TANGO6: variants seen among roughly 807,000 people sequenced by gnomAD.
The protein encoded by TANGO6 is transport and golgi organization 6 homolog.
A neutral mutation model predicts 114.2 loss-of-function variants in TANGO6; 90 were observed. That is an observed-to-expected ratio of 0.79 (90% CI 0.66 to 0.94). The LOEUF (loss-of-function observed/expected upper bound fraction) is 0.94. Among genes scored for constraint, TANGO6 ranks in the 40% least tolerant of loss-of-function variants. TANGO6 has a pLI of 0.00. For missense variants in TANGO6, 1,274 were observed against 1,315.3 expected, an observed-to-expected ratio of 0.97 and a Z score of 0.49; for synonymous variants, 477 against 509.8, an observed-to-expected ratio of 0.94 and a Z score of 0.87.
At chr16:68,887,471 G>T (rs1277237302) in intron 7 of TANGO6, among the ~76,000 whole-genome samples, 2 of 152,168 alleles carry the variant, frequency 1.3e-5, no homozygotes, top group Admixed American at 6.6e-5. Context: ...GAACAAGAAA[G>T]AACACCAAAA....
At chr16:68,974,313 A>G in intron 15 of TANGO6, 145 bp downstream of exon 15, 3 of 897,290 alleles carry the variant, frequency 3.3e-6, no homozygotes, top group Non-Finnish European at 5.1e-6. Flanking sequence ...GAATTTAGGA[A>G]ATATTCCGAT....
At chr16:69,045,156 C>CAAAA (rs34165608) in intron 17 of TANGO6, among the ~76,000 whole-genome samples, 6 of 88,356 alleles carry the variant, frequency 6.8e-5, no homozygotes, top group Non-Finnish European at 1.0e-4. Context: ...ACTCTTGTCT[C>CAAAA]AAAAAAAAAA....
At chr16:68,871,194 T>G (rs1596997788) in intron 4 of TANGO6, among the ~76,000 whole-genome samples, 1 of 152,172 alleles carries the variant, frequency 6.6e-6, no homozygotes, top group African/African-American at 2.4e-5. Context: ...TGACATTTAT[T>G]TTTTCTTTTA....
rs139430733 is a variant in TANGO6 at position 69,011,388 on chromosome 16, G to A, written c.2843-11440G>A. On this transcript the variant is annotated intron_variant, in intron 15 of 17. Coordinates refer to ENST00000261778, the MANE Select transcript of TANGO6 (RefSeq NM_024562.2). ...AGTTTCACTTTTATGACCTGTTTTAGTGAATTAGGGGAATGATTGAGCCCT... is the reference window on the plus strand; with the variant it reads ...AGTTTCACTTTTATGACCTGTTTTAATGAATTAGGGGAATGATTGAGCCCT... Among the ~76,000 whole-genome samples the A allele has an allele frequency of 4.6e-3, 698 of 150,980 alleles. 3 individuals carry two copies. The highest frequency in any genetic ancestry group is 0.016 in the South Asian group (78 of 4,796).
chr16:68,970,602 G>T (rs961066204), intron 14 of TANGO6, among the ~76,000 whole-genome samples: 4 of 149,796 alleles, frequency 2.7e-5, no homozygotes, highest in African/African-American at 9.9e-5. Flanking sequence ...GGGAGATGGA[G>T]GTTGCAGTGA....
chr16:68,890,484 A>T (rs765533580), intron 7 of TANGO6, among the ~76,000 whole-genome samples: 9 of 152,256 alleles, frequency 5.9e-5, no homozygotes, highest in Non-Finnish European at 1.0e-4. Context: ...AACAAAATTC[A>T]TATCCAAGTT....
intron 14 of TANGO6, among the ~76,000 whole-genome samples, chr16:68,966,455 G>C (rs1963646296): frequency 6.6e-6 from 1 of 151,582 alleles, no homozygotes; most frequent in African/African-American, 2.4e-5. Flanking sequence ...AGTGAGCTGA[G>C]ATTACACCAC....
chr16:69,009,441 A>T (rs1337731178), intron 15 of TANGO6, among the ~76,000 whole-genome samples: 3 of 152,164 alleles, frequency 2.0e-5, no homozygotes, highest in Non-Finnish European at 4.4e-5. Context: ...TTAGGCCGGT[A>T]TATACTATCT....
chr16:68,893,688 A>G (rs1962662801), intron 7 of TANGO6, among the ~76,000 whole-genome samples: 1 of 148,156 alleles, frequency 6.7e-6, no homozygotes, highest in Non-Finnish European at 1.5e-5. Flanking sequence ...GTGAGCCAAG[A>G]TCACGCCACT....
At chr16:68,859,781 G>T (rs909574915) in intron 1 of TANGO6, 103 bp from the exon 2 acceptor site, 1 of 1,321,524 alleles carries the variant, frequency 7.6e-7, no homozygotes. Context: ...TGACAGTGGC[G>T]CCCGGCCTGC....
chr16:69,007,143 C>CT (rs1964098533), intron 15 of TANGO6: 1 of 152,246 alleles, frequency 6.6e-6, no homozygotes, highest in African/African-American at 2.4e-5. Context: ...ATATTTGCTG[C>CT]TGAGGCAAGC....
intron 14 of TANGO6, among the ~76,000 whole-genome samples, chr16:68,932,731 A>T (rs988390367): frequency 1.3e-5 from 2 of 152,112 alleles, no homozygotes; most frequent in Non-Finnish European, 2.9e-5. Context: ...CCAAGGTTGC[A>T]GTGAGCCGAG....
intron 17 of TANGO6, among the ~76,000 whole-genome samples, chr16:69,053,062 C>T (rs1330624534): frequency 3.3e-5 from 5 of 152,022 alleles, no homozygotes; most frequent in African/African-American, 9.7e-5. Flanking sequence ...GAGCCGAGAT[C>T]GTGCCACTGT....
At chr16:68,905,962 C>T (rs1169338063) in intron 9 of TANGO6, among the ~76,000 whole-genome samples, 6 of 152,034 alleles carry the variant, frequency 3.9e-5, no homozygotes, top group Admixed American at 2.6e-4. Flanking sequence ...GGGCAGATCA[C>T]GAGGTCAGAA....
intron 14 of TANGO6, among the ~76,000 whole-genome samples, chr16:68,960,710 A>G (rs1283120118): frequency 6.6e-6 from 1 of 152,086 alleles, no homozygotes; most frequent in East Asian, 1.9e-4. Flanking sequence ...CATGTTGGCC[A>G]GGCTAGTCAA....
intron 14 of TANGO6, among the ~76,000 whole-genome samples, chr16:68,966,040 T>A (rs1387907777): frequency 6.6e-6 from 1 of 150,514 alleles, no homozygotes; most frequent in Non-Finnish European, 1.5e-5. Flanking sequence ...GAGACCAGCT[T>A]AGGTAACATA....
intron 15 of TANGO6, chr16:69,007,259 T>TTTTTC (rs1290545638): frequency 6.6e-6 from 1 of 151,102 alleles, no homozygotes; most frequent in Non-Finnish European, 1.5e-5. Flanking sequence ...TTTTTTTTCT[T>TTTTTC]TTTTCTTTTC....
chr16:68,914,103 T>C (rs1962966056), intron 11 of TANGO6, among the ~76,000 whole-genome samples: 1 of 152,190 alleles, frequency 6.6e-6, no homozygotes, highest in African/African-American at 2.4e-5. Flanking sequence ...CTGTGAGGAT[T>C]AAATGTGTTA....
chr16:68,875,526 G>C (rs1962340443), intron 5 of TANGO6, among the ~76,000 whole-genome samples: 1 of 152,096 alleles, frequency 6.6e-6, no homozygotes, highest in Non-Finnish European at 1.5e-5. Context: ...CAGCACTTTG[G>C]GAGGCCGAGG....
Sources: gnomAD v4.1 joint callset for allele counts (sites outside exome capture counted in the v4.1 genomes callset) on GRCh38, gnomAD v4.1.1 for gene constraint, MANE v1.5 for transcripts, NCBI Gene and HGNC (gene_info 2026-07-23, HGNC 2026-07-21) for gene names.